Variants in TYMS observed in about 807,000 individuals in gnomAD.
TYMS encodes the protein thymidylate synthetase.
A neutral mutation model predicts 39.3 loss-of-function variants in TYMS; 21 were observed. The ratio of observed to expected loss-of-function variants is 0.54; its 90% CI spans 0.38 to 0.77. The LOEUF (loss-of-function observed/expected upper bound fraction) is 0.77, where lower values mean the gene tolerates loss of function less well. TYMS is among the 30% of genes least tolerant of loss of function. The pLI, the probability that TYMS is intolerant of heterozygous loss-of-function variation, is 0.00. For missense variants in TYMS, 273 were observed against 406.7 expected, an observed-to-expected ratio of 0.67 and a Z score of 2.83; for synonymous variants, 171 against 162.2, an observed-to-expected ratio of 1.05 and a Z score of -0.41.
chr18:658,266 T>C lies in TYMS; in HGVS notation c.205+319T>C, dbSNP rs918390385. ...GCGTCATCGGGCAGCGTTTGCCCAG[T>C]GCTGGAGGGTTAGGGAGAGCTGCCT... On this transcript the variant is annotated intron_variant, in intron 1 of 6. Coordinates refer to ENST00000323274, the MANE Select transcript of TYMS (RefSeq NM_001071.4). This position sits in a 1 kb window ranked among gnomAD's most constrained non-coding sequence, Gnocchi z 4.5. The C allele has an allele frequency of 8.3e-6, 12 of 1,451,128 alleles. No individual in the cohort carries two copies. The highest frequency in any genetic ancestry group is 1.1e-5 in the Non-Finnish European group (12 of 1,083,052). The allele number at this position is 1,451,128 out of a possible 1,614,324, so 89.9% of individuals were successfully genotyped here. A position where few individuals can be genotyped will look rare whatever the true frequency, so the allele number is the denominator to read the frequency against.
intron 5 of TYMS, 93 bp from the exon 6 acceptor site, chr18:671,287 G>A: frequency 1.2e-6 from 1 of 863,666 alleles, no homozygotes; most frequent in Non-Finnish European, 2.0e-6. Context: ...TTTAAAAAAA[G>A]CCTTGCGGTG....
Position 658,599 on chromosome 18 carries a change from T to C in TYMS, c.205+652T>C. ...ACAGGAGCACCCCAGGCAAAAAATG[T>C]CTCGCGGGTCATTGGCGCCAGGCTT... is the stretch of plus-strand genomic sequence containing the variant. On this transcript the variant is annotated intron_variant, in intron 1 of 6. Coordinates refer to ENST00000323274, the MANE Select transcript of TYMS (RefSeq NM_001071.4). This position sits in a 1 kb window ranked among gnomAD's most constrained non-coding sequence, Gnocchi z 4.5. The C allele has an allele frequency of 4.4e-6, 1 of 227,204 alleles. No homozygotes were observed. The highest frequency in any genetic ancestry group is 8.7e-6 in the Non-Finnish European group (1 of 115,470). 14.1% of individuals were successfully genotyped at this position (227,204 alleles called of 1,614,324 possible). A position where few individuals can be genotyped will look rare whatever the true frequency, so the allele number is the denominator to read the frequency against.
Position 670,837 on chromosome 18 carries a change from G to A in TYMS, c.702G>A (p.Thr234=), listed in dbSNP as rs769045087. The A allele has an allele frequency of 6.2e-6, 10 of 1,613,890 alleles. No individual in the cohort carries two copies. Among genetic ancestry groups the A allele is most frequent in the East Asian group, 2.2e-5 (1 of 44,894 alleles). Residue 234 remains threonine, a synonymous_variant, in exon 5 of 7, where the codon ACG becomes ACA. Coordinates refer to ENST00000323274, the MANE Select transcript of TYMS (RefSeq NM_001071.4). ...PFNIASYALL[T]YMIAHITGLK... ...ACATCGCCAGCTACGCCCTGCTCAC[G>A]TACATGATTGCGCACATCACGGGCC...
chr18:667,859 T>C (rs2074888131), intron 3 of TYMS: 1 of 152,118 alleles, frequency 6.6e-6, no homozygotes, highest in Non-Finnish European at 1.5e-5. Context: ...TAGTATTCAA[T>C]TATTTCTTGT....
At chr18:672,697 C>T in intron 6 of TYMS, 163 bp from the exon 7 acceptor site, 1 of 681,114 alleles carries the variant, frequency 1.5e-6, no homozygotes, top group African/African-American at 1.8e-5. Flanking sequence ...GCTGGTTGCG[C>T]TCCAATCATG....
intron 5 of TYMS, 156 bp from the exon 6 acceptor site, chr18:671,224 A>G (rs1181232958): frequency 2.2e-5 from 14 of 650,586 alleles, no homozygotes; most frequent in South Asian, 7.4e-5. Context: ...CCTGGGCAAC[A>G]TAACAAGATG....
chr18:658,453 C>G lies in TYMS; in HGVS notation c.205+506C>G, dbSNP rs981943110. 5.3e-6 allele frequency: 4 copies of G among 754,578 alleles called. No homozygotes were observed. Among genetic ancestry groups the G allele is most frequent in the Non-Finnish European group, 1.8e-6 (1 of 545,006 alleles). The allele number at this position is 754,578 out of a possible 1,614,324, so 46.7% of individuals were successfully genotyped here. ...GAGAGCACTGAAGCTGGCGCGGGAA[C>G]TTGGTTTCCTGGTGGCCTCCCATCC... On this transcript the variant is annotated intron_variant, in intron 1 of 6. Transcript: ENST00000323274. The surrounding 1 kb of genome is among the most constrained non-coding windows in gnomAD (Gnocchi z 4.5).
chr18:666,897 TGATGGA>T (rs1188657352), intron 3 of TYMS, among the ~76,000 whole-genome samples: 967 of 48,170 alleles, frequency 0.02, 126 homozygotes, highest in East Asian at 0.071. Context: ...CGGGAGATGG[TGATGGA>T]GATGGTGATG....
chr18:658,325 C>G lies in TYMS; in HGVS notation c.205+378C>G. On this transcript the variant is annotated intron_variant, in intron 1 of 6. Transcript: ENST00000323274. This position sits in a 1 kb window ranked among gnomAD's most constrained non-coding sequence, Gnocchi z 4.5. ...CCGCGCGCCGGTCTCAAAGTCCTGG[C>G]TTTGGCCCCTCCTCCGTTTTCCCCT... The G allele has an allele frequency of 1.5e-6, 2 of 1,363,940 alleles. No homozygotes were observed. The highest frequency in any genetic ancestry group is 1.9e-6 in the Non-Finnish European group (2 of 1,029,322). The allele number at this position is 1,363,940 out of a possible 1,614,324, so 84.5% of individuals were successfully genotyped here.
rs2144253834 is a variant in TYMS, at chr18:658,367, C to T, written c.205+420C>T. 3.9e-6 allele frequency: 5 copies of T among 1,284,852 alleles called. No homozygotes were observed. Among genetic ancestry groups the T allele is most frequent in the Non-Finnish European group, 5.1e-6 (5 of 986,760 alleles). The allele number at this position is 1,284,852 out of a possible 1,614,324, so 79.6% of individuals were successfully genotyped here. On this transcript the variant is annotated intron_variant, in intron 1 of 6. Transcript: ENST00000323274. This position sits in a 1 kb window ranked among gnomAD's most constrained non-coding sequence, Gnocchi z 4.5. ...TTTTCCCCTGTGGACCATTCCGCTT[C>T]GCAGCGTTTTCAAAAACTGGAGCGA...
At chr18:669,778 C>A (rs2074950623) in intron 4 of TYMS, among the ~76,000 whole-genome samples, 1 of 152,010 alleles carries the variant, frequency 6.6e-6, no homozygotes, top group East Asian at 1.9e-4. Flanking sequence ...ACATTTTTAA[C>A]AATTATATTG....
In TYMS at chr18:667,992, A is replaced by T. The variant is rs994400523; in HGVS notation, c.455-1080A>T. Reference sequence around the variant, plus strand: ...AATTTTGTTTTACAGATTCACAGGAATTTTTTTTTTTTTTTTTTTAATGCA... The same window carrying T: ...AATTTTGTTTTACAGATTCACAGGATTTTTTTTTTTTTTTTTTTTAATGCA... On this transcript the variant is annotated intron_variant, in intron 3 of 6. Transcript: ENST00000323274. Among the ~76,000 whole-genome samples the T allele has an allele frequency of 1.3e-4, 14 of 105,362 alleles. No homozygotes were observed. In the East Asian group the frequency reaches 3.5e-3, roughly 26 times the overall value. The allele number at this position is 105,362 out of a possible 152,430, so 69.1% of individuals were successfully genotyped here.
chr18:673,112 G>GT lies in TYMS; in HGVS notation c.*116dup. The GT allele has an allele frequency of 8.7e-7, 1 of 1,148,130 alleles. No individual in the cohort carries two copies. The highest frequency in any genetic ancestry group is 1.2e-6 in the Non-Finnish European group (1 of 839,214). 71.1% of individuals were successfully genotyped at this position (1,148,130 alleles called of 1,614,324 possible). ...AAGGAACTAGGTCAAAAATCTGTCCGTGACCTATCAGTTATTAATTTTTAA... is the reference window on the plus strand; with the variant it reads ...AAGGAACTAGGTCAAAAATCTGTCCGTTGACCTATCAGTTATTAATTTTTAA... On this transcript the variant is annotated 3_prime_UTR_variant, in exon 7 of 7. Coordinates refer to ENST00000323274, the MANE Select transcript of TYMS (RefSeq NM_001071.4).
chr18:661,737 G>A (rs2074757283), intron 2 of TYMS, among the ~76,000 whole-genome samples: 1 of 152,362 alleles, frequency 6.6e-6, no homozygotes, highest in East Asian at 1.9e-4. Context: ...TGTAATCCCA[G>A]CACTTCGGGA....
Position 662,319 on chromosome 18 carries a change from A to T in TYMS, c.453A>T (p.Ser151=). The part of the protein sequence containing the change: ...HFGAEYRDME[S]DYSGQGVDQL... ...GGGCAGAATACAGAGATATGGAATC[A>T]GGTGAGGAGATAGAACAATGCCTTC... The change falls in exon 3 of 7, where the codon TCA becomes TCT. Residue 151 remains serine, a splice_region_variant and synonymous_variant. Transcript: ENST00000323274. 2 of 1,604,604 alleles carry T rather than the reference A, an allele frequency of 1.2e-6. No individual in the cohort carries two copies.
Position 668,654 on chromosome 18 carries a change from C to G in TYMS, c.455-418C>G, listed in dbSNP as rs552872862. On this transcript the variant is annotated intron_variant, in intron 3 of 6. Transcript: ENST00000323274. ...TATATTCTACATAAGATACAACACT[C>G]TCTGTGAGACAAGGATAAAGTAGAT... Among the ~76,000 whole-genome samples the G allele has an allele frequency of 3.3e-5, 5 of 152,304 alleles. No homozygotes were observed. In the South Asian group the frequency reaches 1.0e-3, roughly 32 times the overall value.
rs2074743359 is a variant in TYMS, at chr18:660,251, A to G, written c.279+537A>G. ...TGTGAGTTTTTGAGCACACCGGGACATCCCCACTCCCTGGAACCTTCTTCC... is the reference window on the plus strand; with the variant it reads ...TGTGAGTTTTTGAGCACACCGGGACGTCCCCACTCCCTGGAACCTTCTTCC... On this transcript the variant is annotated intron_variant, in intron 2 of 6. Transcript: ENST00000323274. The surrounding 1 kb of genome is among the most constrained non-coding windows in gnomAD (Gnocchi z 4.6). 6.6e-6 allele frequency among the ~76,000 whole-genome samples: 1 copy of G among 152,168 alleles called. No homozygotes were observed. The highest frequency in any genetic ancestry group is 1.5e-5 in the Non-Finnish European group (1 of 68,040).
chr18:657,697 T>C lies in TYMS; in HGVS notation c.-46T>C. ...CGCCGCGCCACTTGGCCTGCCTCCG[T>C]CCCGCCGCGCCACTTCGCCTGCCTC... On this transcript the variant is annotated 5_prime_UTR_variant, in exon 1 of 7. Transcript: ENST00000323274. 7.9e-7 allele frequency: 1 copy of C among 1,268,766 alleles called. No individual in the cohort carries two copies. The highest frequency in any genetic ancestry group is 1.0e-6 in the Non-Finnish European group (1 of 997,072). The allele number at this position is 1,268,766 out of a possible 1,614,324, so 78.6% of individuals were successfully genotyped here.
chr18:671,738 C>T (rs568740763), intron 6 of TYMS: 317 of 407,342 alleles, frequency 7.8e-4, no homozygotes, highest in Non-Finnish European at 1.2e-3. Context: ...GGCATTTTAA[C>T]TCATTTTAAC....
Sources: gnomAD v4.1 joint callset for allele counts (sites outside exome capture counted in the v4.1 genomes callset) on GRCh38, gnomAD v4.1.1 for gene constraint, Gnocchi (gnomAD v3.1) non-coding constraint, MANE v1.5 for transcripts, NCBI Gene and HGNC (gene_info 2026-07-23, HGNC 2026-07-21) for gene names.